Variants in ZNF468 observed in about 807,000 individuals in gnomAD.
ZNF468 encodes the protein zinc finger protein 468, also known as zinc finger protein ZNF468.
ZNF468 carries 8 observed loss-of-function variants against 7.2 expected under a neutral mutation model. That is an observed-to-expected ratio of 1.11 (90% CI 0.65 to 2.01). ZNF468 has a LOEUF of 2.01. ZNF468 is among the 30% of genes most tolerant of loss of function. ZNF468 has a pLI of 0.00. For missense variants in ZNF468, 608 were observed against 626.5 expected (o/e 0.97, Z 0.31); for synonymous variants, 218 against 214.4 (o/e 1.02, Z -0.15).
chr19:52,843,526 C>T (rs910339849), intron 3 of ZNF468, among the ~76,000 whole-genome samples: 1 of 152,264 alleles, frequency 6.6e-6, no homozygotes, highest in East Asian at 1.9e-4. Flanking sequence ...AGCCACTGCA[C>T]CCTGTGGCAC....
chr19:52,850,324 C>G lies in ZNF468; in HGVS notation c.16-1111G>C, dbSNP rs201863485. Among the ~76,000 whole-genome samples, 699 of 152,150 alleles carry G rather than the reference C, an allele frequency of 4.6e-3. 5 individuals carry two copies. The highest frequency in any genetic ancestry group is 0.014 in the African/African-American group (582 of 41,510). On this transcript the variant is annotated intron_variant, in intron 2 of 3. Transcript: ENST00000595646. ...TTTCAACTGCCTGACCTGGAGGAATCTTCAGATATCTGTAGTAATGCGGGT... is the reference window on the plus strand; with the variant it reads ...TTTCAACTGCCTGACCTGGAGGAATGTTCAGATATCTGTAGTAATGCGGGT...
intron 3 of ZNF468, among the ~76,000 whole-genome samples, chr19:52,846,068 T>C (rs2063340006): frequency 6.6e-6 from 1 of 152,170 alleles, no homozygotes; most frequent in African/African-American, 2.4e-5. Flanking sequence ...GTATACCTTT[T>C]CTTCATAACT....
intron 3 of ZNF468, among the ~76,000 whole-genome samples, chr19:52,843,887 T>G (rs2063324090): frequency 6.6e-6 from 1 of 152,168 alleles, no homozygotes; most frequent in Non-Finnish European, 1.5e-5. Flanking sequence ...TTTGGTAGGC[T>G]GAGGTGGGTG....
chr19:52,856,108 A>G (rs1700263705), intron 1 of ZNF468, among the ~76,000 whole-genome samples: 1 of 152,252 alleles, frequency 6.6e-6, no homozygotes, highest in Admixed American at 6.5e-5. Flanking sequence ...TCTTCCTTAC[A>G]AGAAAATCAC....
intron 3 of ZNF468, among the ~76,000 whole-genome samples, chr19:52,842,428 T>A (rs60738058): frequency 6.6e-6 from 1 of 151,802 alleles, no homozygotes; most frequent in Non-Finnish European, 1.5e-5. Context: ...GTTTTTCCAC[T>A]GTGACCCTAA....
chr19:52,854,228 C>T (rs200166570), intron 2 of ZNF468, 30 bp downstream of exon 2: 1 of 1,613,774 alleles, frequency 6.2e-7, no homozygotes, highest in Non-Finnish European at 8.5e-7. Flanking sequence ...AGGAAGGAGA[C>T]AGAACAATCC....
In ZNF468 at chr19:52,841,113, C is replaced by A. The variant is rs578209496; in HGVS notation, c.1181G>T (p.Arg394Leu). Residue 394 changes from arginine to leucine, a missense_variant, in exon 4 of 4, where the codon CGC (arginine) becomes CTC (leucine). Transcript: ENST00000595646. Reference protein sequence around the residue: ...KCEECDKVFSRKSHLERHRRI... With the variant: ...KCEECDKVFSLKSHLERHRRI... Reference sequence around the variant, plus strand: ...CCTATGTCTTTCAAGGTGTGATTTGCGACTGAAAACTTTGTCACACTCTTC... The same window carrying A: ...CCTATGTCTTTCAAGGTGTGATTTGAGACTGAAAACTTTGTCACACTCTTC... The A allele has an allele frequency of 1.2e-6, 2 of 1,613,164 alleles. No individual in the cohort carries two copies. Among genetic ancestry groups the A allele is most frequent in the Non-Finnish European group, 1.7e-6 (2 of 1,179,806 alleles).
chr19:52,856,291 T>C (rs552697172), intron 1 of ZNF468, among the ~76,000 whole-genome samples: 7 of 151,972 alleles, frequency 4.6e-5, no homozygotes, highest in African/African-American at 1.7e-4. Context: ...GAGGTGGAGG[T>C]GGGTGGATTA....
chr19:52,853,095 T>C (rs1468729358), intron 2 of ZNF468, among the ~76,000 whole-genome samples: 1 of 152,054 alleles, frequency 6.6e-6, no homozygotes, highest in African/African-American at 2.4e-5. Flanking sequence ...GACCTTGTGA[T>C]CCACCCACCT....
chr19:52,850,338 A>G (rs916420216), intron 2 of ZNF468, among the ~76,000 whole-genome samples: 1 of 152,066 alleles, frequency 6.6e-6, no homozygotes, highest in African/African-American at 2.4e-5. Flanking sequence ...AGATATCTGT[A>G]GTAATGCGGG....
At position 52,840,935 on chromosome 19, in the gene ZNF468, G is replaced by A. The variant is rs769442130; in HGVS notation, c.1359C>T (p.His453=). ...VCDKAFQRDS[H]LAQHQRVHTG... ...TATGAACTCTCTGATGTTGTGCCAG[G>A]TGTGAATCCCTCTGGAAAGCCTTGT... The change falls in exon 4 of 4, where the codon CAC becomes CAT. Residue 453 remains histidine (H), a synonymous_variant. Transcript: ENST00000595646. The A allele has an allele frequency of 3.1e-6, 5 of 1,613,784 alleles. No homozygotes were observed. The highest frequency in any genetic ancestry group is 3.4e-6 in the Non-Finnish European group (4 of 1,179,946).
rs1458219934 is a variant in ZNF468 at position 52,854,356 on chromosome 19, A to T, written c.-73-11T>A. ...CTTTAGAAGTCAATCCTGAATGTTAAAAATATGTTGTTTATCACTCAGAAT... is the reference window on the plus strand; with the variant it reads ...CTTTAGAAGTCAATCCTGAATGTTATAAATATGTTGTTTATCACTCAGAAT... On this transcript the variant is annotated splice_polypyrimidine_tract_variant and intron_variant, in intron 1 of 3. Transcript: ENST00000595646. The T allele has an allele frequency of 3.1e-6, 5 of 1,604,628 alleles. No individual in the cohort carries two copies. The Admixed American group carries it at 8.4e-5, about 27-fold the overall frequency.
chr19:52,851,231 G>A (rs766616188), intron 2 of ZNF468, among the ~76,000 whole-genome samples: 17 of 151,642 alleles, frequency 1.1e-4, no homozygotes, highest in Admixed American at 6.6e-4. Flanking sequence ...ATCTGAGATC[G>A]TGCCACTGCA....
In ZNF468 at chr19:52,840,503, ATG is replaced by A. The variant is rs2063285851; in HGVS notation, c.*220_*221del. ...GTTTCTCTTCAATGTGAATTTTCTT[ATG>A]TGTTTTAAGGTTTGATTTACAACTG... On this transcript the variant is annotated 3_prime_UTR_variant, in exon 4 of 4. Coordinates refer to ENST00000595646, the MANE Select transcript of ZNF468 (RefSeq NM_001008801.2). 1 of 936,354 alleles carries A rather than the reference ATG, an allele frequency of 1.1e-6. No homozygotes were observed. The highest frequency in any genetic ancestry group is 1.7e-5 in the African/African-American group (1 of 60,538). 58.0% of individuals were successfully genotyped at this position (936,354 alleles called of 1,614,324 possible).
rs1005409499 is a variant in ZNF468, at chr19:52,839,171, G to C, written c.*1554C>G. On this transcript the variant is annotated 3_prime_UTR_variant, in exon 4 of 4. Transcript: ENST00000595646. ...GGAGACTGAGGCAGGAGAATTGCTT[G>C]AACCTGGGAGGAGGAGGTTGCAGTG... 3 of 156,218 alleles carry C rather than the reference G, an allele frequency of 1.9e-5. No individual in the cohort carries two copies. The highest frequency in any genetic ancestry group is 2.8e-5 in the Non-Finnish European group (2 of 70,890). 9.7% of individuals were successfully genotyped at this position (156,218 alleles called of 1,614,324 possible).
chr19:52,840,804 C>T lies in ZNF468; in HGVS notation c.1490G>A (p.Cys497Tyr), dbSNP rs956990072. ...RLHTGEKPYK[C>Y]NECGKTFSQM... Reference sequence around the variant, plus strand: ...ACTGAAGGTCTTGCCACACTCATTACACTTGTAAGGTTTCTCTCCAGTATG... The same window carrying T: ...ACTGAAGGTCTTGCCACACTCATTATACTTGTAAGGTTTCTCTCCAGTATG... Residue 497 changes from cysteine to tyrosine, a missense_variant, in exon 4 of 4, where the codon TGT (cysteine) becomes TAT (tyrosine). Coordinates refer to ENST00000595646, the MANE Select transcript of ZNF468 (RefSeq NM_001008801.2). 3 of 1,608,902 alleles carry T rather than the reference C, an allele frequency of 1.9e-6. No individual in the cohort carries two copies. The highest frequency in any genetic ancestry group is 2.7e-5 in the African/African-American group (2 of 73,808).
intron 2 of ZNF468, chr19:52,849,575 C>A: frequency 4.1e-6 from 1 of 244,892 alleles, no homozygotes; most frequent in Non-Finnish European, 7.9e-6. Flanking sequence ...AAGATGACAA[C>A]GTCCACAGTA....
In ZNF468 at chr19:52,839,660, G is replaced by A. The variant is rs1361494502; in HGVS notation, c.*1065C>T. ...CATGGATTCTCTGATGTCTAATGAG[G>A]TGTGAATGTGAAGTAAACGCTTTGC... is the stretch of plus-strand genomic sequence containing the variant. On this transcript the variant is annotated 3_prime_UTR_variant, in exon 4 of 4. Transcript: ENST00000595646. 1.8e-6 allele frequency: 1 copy of A among 548,830 alleles called. No individual in the cohort carries two copies. Among genetic ancestry groups the A allele is most frequent in the Admixed American group, 2.0e-5 (1 of 51,274 alleles). The allele number at this position is 548,830 out of a possible 1,614,324, so 34.0% of individuals were successfully genotyped here.
chr19:52,852,211 C>T (rs151220944), intron 2 of ZNF468, among the ~76,000 whole-genome samples: 426 of 151,500 alleles, frequency 2.8e-3, no homozygotes, highest in African/African-American at 9.8e-3. Context: ...ACTAAAAATA[C>T]AAAAATTAGC....
Sources: allele counts gnomAD v4.1 joint callset (sites outside exome capture counted in the v4.1 genomes callset), GRCh38; gene constraint gnomAD v4.1.1; transcripts MANE v1.5; gene names NCBI Gene and HGNC (gene_info 2026-07-23, HGNC 2026-07-21).